Variants in GGH observed in about 807,000 individuals in gnomAD.
The protein encoded by GGH is gamma-Glu-X carboxypeptidase.
A neutral mutation model predicts 39.2 loss-of-function variants in GGH; 18 were observed. The ratio of observed to expected loss-of-function variants is 0.46; its 90% CI spans 0.32 to 0.68. The LOEUF (loss-of-function observed/expected upper bound fraction) is 0.68, where lower values mean the gene tolerates loss of function less well. Among genes scored for constraint, GGH ranks in the 30% least tolerant of loss-of-function variants. The pLI is 0.04. For missense variants in GGH, 367 were observed against 384.1 expected (o/e 0.96, Z 0.37); for synonymous variants, 147 against 138.8 (o/e 1.06, Z -0.42).
chr8:63,028,062 T>C (rs1449695106), intron 3 of GGH: 1 of 152,168 alleles, frequency 6.6e-6, no homozygotes, highest in African/African-American at 2.4e-5. Context: ...AATACGAGCT[T>C]GAGATATGTG....
At chr8:63,022,692 C>CT (rs914991870) in intron 7 of GGH, among the ~76,000 whole-genome samples, 1 of 131,996 alleles carries the variant, frequency 7.6e-6, no homozygotes, top group Non-Finnish European at 1.6e-5. Flanking sequence ...TTTTTTTTTT[C>CT]TTTTTTTGTA....
At chr8:63,030,581 C>T (rs1333059380) in intron 2 of GGH, among the ~76,000 whole-genome samples, 3 of 152,124 alleles carry the variant, frequency 2.0e-5, no homozygotes, top group Non-Finnish European at 2.9e-5. Context: ...TGTAAAGACT[C>T]CTTTAAATAA....
At chr8:63,035,842 GC>G in intron 1 of GGH, 72 bp from the exon 2 acceptor site, 2 of 1,251,836 alleles carry the variant, frequency 1.6e-6, no homozygotes, top group Non-Finnish European at 1.1e-6. Flanking sequence ...ATATATCACA[GC>G]AAAAATATCA....
chr8:63,018,813 G>A (rs1804533561), intron 7 of GGH, among the ~76,000 whole-genome samples: 1 of 152,164 alleles, frequency 6.6e-6, no homozygotes, highest in African/African-American at 2.4e-5. Flanking sequence ...CCTCAATAAT[G>A]CTTCATGCGT....
chr8:63,035,796 C>A, intron 1 of GGH, 26 bp from the exon 2 acceptor site: 2 of 1,569,356 alleles, frequency 1.3e-6, no homozygotes, highest in Non-Finnish European at 1.7e-6. Flanking sequence ...AGTTTAGTTT[C>A]AAGCAAATTC....
intron 1 of GGH, among the ~76,000 whole-genome samples, chr8:63,036,974 C>T (rs926490743): frequency 2.0e-5 from 3 of 152,150 alleles, no homozygotes; most frequent in African/African-American, 7.2e-5. Flanking sequence ...TGAAACCCAG[C>T]CCCAGCAGAG....
At chr8:63,015,981 A>G (rs1804481728) in intron 8 of GGH, among the ~76,000 whole-genome samples, 1 of 152,234 alleles carries the variant, frequency 6.6e-6, no homozygotes, top group Non-Finnish European at 1.5e-5. Context: ...GGATGCTACA[A>G]GAGTAAAAAA....
rs372794887 is a variant in GGH, at chr8:63,017,527, G to A, written c.801C>T (p.Thr267=). The part of the protein sequence containing the change: ...GISHAPNAVK[T]AFYLAEFFVN... ...CAAAAAACTCTGCTAAATAAAATGC[G>A]GTTTTCACAGCATTAGGTGCATGGG... Residue 267 remains threonine (T), a synonymous_variant, in exon 8 of 9, where the codon ACC becomes ACT. Coordinates refer to ENST00000260118, the MANE Select transcript of GGH (RefSeq NM_003878.3). The A allele has an allele frequency of 9.1e-5, 146 of 1,609,662 alleles. No individual in the cohort carries two copies. The highest frequency in any genetic ancestry group is 1.3e-4 in the Admixed American group (8 of 59,554).
intron 7 of GGH, 145 bp from the exon 8 acceptor site, chr8:63,017,775 T>C: frequency 1.9e-6 from 1 of 534,412 alleles, no homozygotes; most frequent in Admixed American, 3.6e-5. Flanking sequence ...AGACACAAAA[T>C]AATTTCCATT....
intron 7 of GGH, among the ~76,000 whole-genome samples, chr8:63,019,254 TGAA>T (rs1199508463): frequency 1.2e-4 from 19 of 152,346 alleles, no homozygotes; most frequent in African/African-American, 4.3e-4. Flanking sequence ...GTGTCTTAAC[TGAA>T]GAAGATCGCA....
intron 4 of GGH, among the ~76,000 whole-genome samples, chr8:63,026,551 C>G (rs565864987): frequency 2.6e-5 from 4 of 152,064 alleles, no homozygotes; most frequent in Non-Finnish European, 5.9e-5. Context: ...CTGACCTTAG[C>G]TATTAAAAGT....
intron 7 of GGH, among the ~76,000 whole-genome samples, chr8:63,018,793 C>A (rs537350530): frequency 6.6e-6 from 1 of 152,258 alleles, no homozygotes; most frequent in East Asian, 1.9e-4. Context: ...TGATTTAAGA[C>A]TATTTTTGTC....
At chr8:63,029,417 T>A (rs548774411) in intron 3 of GGH, among the ~76,000 whole-genome samples, 1 of 152,304 alleles carries the variant, frequency 6.6e-6, no homozygotes, top group East Asian at 1.9e-4. Flanking sequence ...ATAGTCTGTT[T>A]TATTTAACCA....
At chr8:63,034,964 T>C (rs889245256) in intron 2 of GGH, among the ~76,000 whole-genome samples, 1 of 152,152 alleles carries the variant, frequency 6.6e-6, no homozygotes, top group Non-Finnish European at 1.5e-5. Flanking sequence ...GTCTGAGATT[T>C]CAATGAACCA....
intron 2 of GGH, among the ~76,000 whole-genome samples, chr8:63,033,868 T>C (rs1280669081): frequency 6.6e-6 from 1 of 151,710 alleles, no homozygotes; most frequent in Non-Finnish European, 1.5e-5. Context: ...TGAGAATATG[T>C]GGTATTTGGT....
Position 63,017,586 on chromosome 8 carries a change from C to T in GGH, c.742G>A (p.Ala248Thr), listed in dbSNP as rs1563665963. The change falls in exon 8 of 9, where the codon GCA becomes ACA. Residue 248 changes from alanine to threonine, a missense_variant. Transcript: ENST00000260118. ...TCCAAATTCTTCCACTCATAAGGTGCTTTCTCTGGATGCCACTGGACACCA... is the reference window on the plus strand; with the variant it reads ...TCCAAATTCTTCCACTCATAAGGTGTTTTCTCTGGATGCCACTGGACACCA... ...VYGVQWHPEK[A>T]PYEWKNLDGI... is the part of the protein sequence containing the mutation. 2 of 1,605,804 alleles carry T rather than the reference C, an allele frequency of 1.2e-6. No homozygotes were observed. The highest frequency in any genetic ancestry group is 1.1e-5 in the South Asian group (1 of 90,854).
At chr8:63,022,530 G>A (rs1038092851) in intron 7 of GGH, among the ~76,000 whole-genome samples, 1 of 151,590 alleles carries the variant, frequency 6.6e-6, no homozygotes, top group African/African-American at 2.4e-5. Flanking sequence ...CATGTCTACT[G>A]AGGGTTTTAT....
chr8:63,030,286 A>G (rs756444482), intron 2 of GGH, 69 bp from the exon 3 acceptor site: 3 of 745,540 alleles, frequency 4.0e-6, no homozygotes, highest in African/African-American at 3.5e-5. Flanking sequence ...AAGTCTCCAC[A>G]TTTACTTTTA....
At chr8:63,029,658 T>G (rs1804766054) in intron 3 of GGH, among the ~76,000 whole-genome samples, 1 of 152,176 alleles carries the variant, frequency 6.6e-6, no homozygotes, top group African/African-American at 2.4e-5. Flanking sequence ...AGCACACTTG[T>G]TTCCTCACAG....
Sources: gnomAD v4.1 joint callset for allele counts (sites outside exome capture counted in the v4.1 genomes callset) on GRCh38, gnomAD v4.1.1 for gene constraint, MANE v1.5 for transcripts, NCBI Gene and HGNC (gene_info 2026-07-23, HGNC 2026-07-21) for gene names.